TRERF1: variants seen among roughly 807,000 people sequenced by gnomAD.
TRERF1 encodes the protein transcriptional regulating factor 1.
Under a neutral mutation model 122.9 loss-of-function variants are expected in TRERF1, and 27 were observed. The ratio of observed to expected loss-of-function variants is 0.22; its 90% CI spans 0.16 to 0.30. TRERF1 has a LOEUF of 0.30. TRERF1 is among the 10% of genes least tolerant of loss of function. The probability of loss-of-function intolerance (pLI) is 1.00; values close to 1 mark genes in which losing one functional copy is unlikely to be tolerated. For synonymous variants in TRERF1, 636 were observed against 641.7 expected, an observed-to-expected ratio of 0.99 and a Z score of 0.13; for missense variants, 1,248 against 1,560.3, an observed-to-expected ratio of 0.80 and a Z score of 3.37.
At chr6:42,373,519 T>C (rs1774172409) in intron 2 of TRERF1, among the ~76,000 whole-genome samples, 1 of 151,546 alleles carries the variant, frequency 6.6e-6, no homozygotes, top group South Asian at 2.1e-4. Context: ...TACAAAAAAT[T>C]AGCTGGGTGT....
At chr6:42,431,393 C>G (rs1440256940) in intron 2 of TRERF1, among the ~76,000 whole-genome samples, 1 of 151,976 alleles carries the variant, frequency 6.6e-6, no homozygotes, top group African/African-American at 2.4e-5. Context: ...ACAGAAGGCT[C>G]CAAACAGAGA....
chr6:42,269,707 G>A lies in TRERF1; in HGVS notation c.-117C>T, dbSNP rs545202021. 5.4e-5 allele frequency: 79 copies of A among 1,459,526 alleles called. No homozygotes were observed. Among genetic ancestry groups the A allele is most frequent in the Non-Finnish European group, 6.7e-5 (74 of 1,110,448 alleles). 90.4% of individuals were successfully genotyped at this position (1,459,526 alleles called of 1,614,324 possible). On this transcript the variant is annotated 5_prime_UTR_variant, in exon 5 of 18. Transcript: ENST00000372922. The surrounding 1 kb of genome is among the most constrained non-coding windows in gnomAD (Gnocchi z 4.9). ...GAGAAAAGTGTCAGCACTACTCCAC[G>A]GCTGACATGTCTGTGAACGTGGCTG...
intron 5 of TRERF1, among the ~76,000 whole-genome samples, chr6:42,267,786 G>A (rs1779472284): frequency 6.6e-6 from 1 of 152,196 alleles, no homozygotes; most frequent in Non-Finnish European, 1.5e-5. Context: ...CCCTCCCAAA[G>A]GGGGACCAAT....
intron 13 of TRERF1, 90 bp downstream of exon 13, chr6:42,254,761 G>A (rs1776425847): frequency 1.7e-6 from 2 of 1,182,582 alleles, no homozygotes; most frequent in Admixed American, 1.7e-5. Flanking sequence ...GACAGAACCG[G>A]TGTTATCCAT....
intron 2 of TRERF1, among the ~76,000 whole-genome samples, chr6:42,422,472 C>T (rs1474386205): frequency 1.4e-5 from 2 of 139,774 alleles, no homozygotes; most frequent in African/African-American, 5.5e-5. Context: ...GAGCCGAGAT[C>T]GTGCCTGGGC....
Position 42,408,210 on chromosome 6 carries a change from A to AATAAATATATATAT in TRERF1, c.-454+42966_-454+42967insATATATATATTTAT, listed in dbSNP as rs151035028. 4.9e-4 allele frequency among the ~76,000 whole-genome samples: 52 copies of AATAAATATATATAT among 107,136 alleles called. 3 individuals are homozygous for AATAAATATATATAT. Among genetic ancestry groups the AATAAATATATATAT allele is most frequent in the Non-Finnish European group, 1.8e-4 (10 of 54,214 alleles). 70.3% of individuals were successfully genotyped at this position (107,136 alleles called of 152,430 possible). A position where few individuals can be genotyped will look rare whatever the true frequency, so the allele number is the denominator to read the frequency against. On this transcript the variant is annotated intron_variant, in intron 2 of 17. Transcript: ENST00000372922. ...TTCCATTAACTTCGCTATATAAATA[A>AATAAATATATATAT]ATATATATATATATATATGTGTGTG...
rs1313852287 is a variant in TRERF1 at position 42,287,357 on chromosome 6, T to G, written c.-259+13281A>C. 2.0e-5 allele frequency among the ~76,000 whole-genome samples: 3 copies of G among 151,144 alleles called. No homozygotes were observed. The East Asian group carries it at 5.8e-4, about 29-fold the overall frequency. ...GTAAGATCTCCTAAAGTGTCTGGGA[T>G]TAAATCCTCAGTTGGCTCCCAGTGC... On this transcript the variant is annotated intron_variant, in intron 4 of 17. Coordinates refer to ENST00000372922, the Ensembl canonical transcript of TRERF1.
intron 3 of TRERF1, among the ~76,000 whole-genome samples, chr6:42,354,818 T>C (rs58603179): frequency 0.038 from 5,735 of 152,264 alleles, 285 homozygotes; most frequent in East Asian, 0.24. Context: ...TAACTCCCTT[T>C]CCCCAAAACC....
At chr6:42,331,780 G>A (rs1214802706) in intron 3 of TRERF1, among the ~76,000 whole-genome samples, 1 of 152,180 alleles carries the variant, frequency 6.6e-6, no homozygotes, top group Non-Finnish European at 1.5e-5. Flanking sequence ...AGCTGGCCTA[G>A]CAGCGCTGCC....
rs1241407635 is a variant in TRERF1 at position 42,232,261 on chromosome 6, A to G, written c.3278+420T>C. ...AGTCACAGAAGTAAGCGAAGGTGGTAGGATTACCCTGTATGAGCCATCTGT... is the reference window on the plus strand; with the variant it reads ...AGTCACAGAAGTAAGCGAAGGTGGTGGGATTACCCTGTATGAGCCATCTGT... On this transcript the variant is annotated intron_variant, in intron 17 of 17. Coordinates refer to ENST00000372922, the Ensembl canonical transcript of TRERF1. The surrounding 1 kb of genome is among the most constrained non-coding windows in gnomAD (Gnocchi z 4.5). 6.6e-6 allele frequency among the ~76,000 whole-genome samples: 1 copy of G among 152,244 alleles called. No individual in the cohort carries two copies. The highest frequency in any genetic ancestry group is 1.9e-4 in the East Asian group (1 of 5,194).
At chr6:42,265,920 G>T (rs988388510) in intron 5 of TRERF1, 123 bp from the exon 6 acceptor site, 2 of 984,866 alleles carry the variant, frequency 2.0e-6, no homozygotes, top group Non-Finnish European at 3.1e-6. Context: ...TGTCTGCTTC[G>T]TGCTGACCCC....
intron 2 of TRERF1, among the ~76,000 whole-genome samples, chr6:42,449,969 C>A (rs1465204294): frequency 6.6e-6 from 1 of 152,206 alleles, no homozygotes; most frequent in Non-Finnish European, 1.5e-5. Context: ...CCCTACTAAA[C>A]GTCTCCGGGT....
chr6:42,255,037 G>T (rs1210944104), intron 12 of TRERF1, 111 bp from the exon 13 acceptor site: 4 of 1,074,422 alleles, frequency 3.7e-6, no homozygotes, highest in Non-Finnish European at 5.6e-6. Context: ...GTCAGGGGCG[G>T]GGGCACTGGA....
chr6:42,248,458 T>C (rs947312033), intron 13 of TRERF1, among the ~76,000 whole-genome samples: 2 of 151,986 alleles, frequency 1.3e-5, no homozygotes, highest in East Asian at 1.9e-4. Context: ...GTTCAAGTGA[T>C]TGTCTTGCCT....
intron 3 of TRERF1, among the ~76,000 whole-genome samples, chr6:42,320,109 C>G (rs1763154310): frequency 6.6e-6 from 1 of 151,976 alleles, no homozygotes; most frequent in African/African-American, 2.4e-5. Context: ...CCATGTTGGC[C>G]AGGCTGGCCT....
At chr6:42,314,295 T>C (rs922308182) in intron 3 of TRERF1, among the ~76,000 whole-genome samples, 5 of 152,230 alleles carry the variant, frequency 3.3e-5, no homozygotes, top group African/African-American at 9.6e-5. Context: ...AACATCTCTA[T>C]TCACAAGAAA....
Position 42,268,518 on chromosome 6 carries a change from T to C in TRERF1, c.1073A>G (p.Tyr358Cys). 2 of 1,613,976 alleles carry C rather than the reference T, an allele frequency of 1.2e-6. No homozygotes were observed. The highest frequency in any genetic ancestry group is 2.2e-5 in the East Asian group (1 of 44,872). The change falls in exon 5 of 18, where the codon TAT becomes TGT. Residue 358 changes from tyrosine (Y) to cysteine (C), a missense_variant. By Grantham distance (194) the Tyr-to-Cys change is radical. Transcript: ENST00000372922. The surrounding 1 kb of genome is among the most constrained non-coding windows in gnomAD (Gnocchi z 4.4). ...GACAGTGTGTGCCTGCTCTGGGGTA[T>C]ACTGGTGAGGGTCCCTGTGATAAGA...
intron 2 of TRERF1, among the ~76,000 whole-genome samples, chr6:42,363,461 T>TCTCTCA (rs1364315593): frequency 6.6e-6 from 1 of 152,132 alleles, no homozygotes; most frequent in Non-Finnish European, 1.5e-5. Flanking sequence ...GCAAGCAGCA[T>TCTCTCA]CTCTCATTAG....
chr6:42,440,372 G>A (rs1786283269), intron 2 of TRERF1, among the ~76,000 whole-genome samples: 1 of 152,154 alleles, frequency 6.6e-6, no homozygotes, highest in African/African-American at 2.4e-5. Context: ...CCGCCACGCA[G>A]CACCTGTCCT....
Sources: gnomAD v4.1 joint callset for allele counts (sites outside exome capture counted in the v4.1 genomes callset) on GRCh38, gnomAD v4.1.1 for gene constraint, Gnocchi (gnomAD v3.1) non-coding constraint, MANE v1.5 for transcripts, NCBI Gene and HGNC (gene_info 2026-07-23, HGNC 2026-07-21) for gene names.